Variants in TENM1 observed in about 807,000 individuals in gnomAD.
The protein encoded by TENM1 is teneurin transmembrane protein 1, also known as teneurin-1.
In TENM1, 35 loss-of-function variants were observed where a neutral mutation model predicts 174.8. The observed-to-expected ratio is 0.20, with a 90% CI of 0.15 to 0.27. The LOEUF (loss-of-function observed/expected upper bound fraction) is 0.27. Among genes scored for constraint, TENM1 ranks in the 10% least tolerant of loss-of-function variants. TENM1 has a pLI of 1.00. For missense variants in TENM1, 1,633 were observed against 2,130.1 expected (o/e 0.77, Z 4.59); for synonymous variants, 781 against 798.7 (o/e 0.98, Z 0.37).
At chrX:124,607,931 G>C (rs989931365) in intron 11 of TENM1, among the ~76,000 whole-genome samples, 2 of 111,380 alleles carry the variant, frequency 1.8e-5, no homozygotes, top group Admixed American at 9.6e-5. Context: ...TGATGGACTA[G>C]ATGTAGATAT....
intron 25 of TENM1, among the ~76,000 whole-genome samples, chrX:124,409,905 G>C (rs2060513169): frequency 1.8e-5 from 2 of 110,445 alleles, no homozygotes; most frequent in Non-Finnish European, 1.9e-5. Context: ...CCACGCTCAT[G>C]GGTAGGAAGA....
chrX:124,547,004 G>C, exon 15 of TENM1: 1 of 1,211,654 alleles, frequency 8.3e-7, no homozygotes, highest in East Asian at 3.0e-5. Flanking sequence ...ATGAGGTCAA[G>C]AGGATCTGGT....
At chrX:124,615,226 T>C (rs61531353) in intron 11 of TENM1, among the ~76,000 whole-genome samples, 1,510 of 112,219 alleles carry the variant, frequency 0.013, 17 homozygotes, top group African/African-American at 0.047. Context: ...ACATCACAGG[T>C]GTTCCTGTAT....
Position 124,862,128 on chromosome X carries a change from A to G in TENM1, c.535+32168T>C, listed in dbSNP as rs149534076. On this transcript the variant is annotated intron_variant, in intron 3 of 31. Coordinates refer to ENST00000422452, the Ensembl canonical transcript of TENM1. ...ACTGACTTCATCGAGCTGATTGACC[A>G]AGTCTTTCAGAAACCAAACTGGCTT... Among the ~76,000 whole-genome samples the G allele has an allele frequency of 4.1e-4, 46 of 112,313 alleles. 1 individual carries two copies. The East Asian group carries it at 0.012, about 30-fold the overall frequency.
At chrX:124,965,515 G>A (rs934844584), upstream of TENM1, among the ~76,000 whole-genome samples, 15 of 111,842 alleles carry the variant, frequency 1.3e-4, no homozygotes, top group African/African-American at 4.9e-4. Context: ...TTGAAGGCAG[G>A]ATGTGAGTCT....
chrX:124,513,792 T>C (rs1285620440), intron 18 of TENM1, among the ~76,000 whole-genome samples: 3 of 112,320 alleles, frequency 2.7e-5, no homozygotes, highest in Admixed American at 9.4e-5. Context: ...ATCTGAACTA[T>C]TTATCATCTA....
At chrX:124,386,720 T>C (rs2060223618) in intron 28 of TENM1, among the ~76,000 whole-genome samples, 1 of 110,017 alleles carries the variant, frequency 9.1e-6, no homozygotes. Context: ...TTCTATTTTA[T>C]TTCATTTTTT....
chrX:124,584,945 T>G (rs773361004), intron 11 of TENM1, among the ~76,000 whole-genome samples: 2 of 109,669 alleles, frequency 1.8e-5, no homozygotes, highest in South Asian at 8.0e-4. Context: ...AAGAAGGCCA[T>G]TACATAATGG....
At chrX:124,676,762 G>A (rs751417626) in intron 5 of TENM1, among the ~76,000 whole-genome samples, 4 of 106,790 alleles carry the variant, frequency 3.7e-5, no homozygotes, top group Non-Finnish European at 7.7e-5. Flanking sequence ...CTGTTAGAAT[G>A]TTGGACTATG....
At chrX:124,459,406 T>C (rs2061143886) in intron 22 of TENM1, among the ~76,000 whole-genome samples, 1 of 111,062 alleles carries the variant, frequency 9.0e-6, no homozygotes, top group Admixed American at 9.6e-5. Context: ...ATGTAATTTT[T>C]TAGATGAGGA....
the TENM1 span, among the ~76,000 whole-genome samples, chrX:125,168,982 G>GT: frequency 3.6e-5 from 4 of 110,132 alleles, no homozygotes; most frequent in Admixed American, 9.7e-5. Flanking sequence ...AGTATCTCCT[G>GT]TGTGTGTGTG....
chrX:124,696,919 C>T (rs1242241404), intron 5 of TENM1, among the ~76,000 whole-genome samples: 2 of 110,952 alleles, frequency 1.8e-5, no homozygotes, highest in African/African-American at 6.5e-5. Context: ...AATCACATTT[C>T]CATTCATTTT....
chrX:124,994,300 G>A, the TENM1 span, among the ~76,000 whole-genome samples: 317 of 100,819 alleles, frequency 3.1e-3, no homozygotes, highest in Middle Eastern at 0.011. Flanking sequence ...GCTATATCTG[G>A]ATAACTGAGG....
rs1055682015 is a variant in TENM1 at position 124,821,963 on chromosome X, A to G, written c.535+72333T>C. Among the ~76,000 whole-genome samples, 3 of 111,883 alleles carry G rather than the reference A, an allele frequency of 2.7e-5. No individual in the cohort carries two copies. The Admixed American group carries it at 2.8e-4, about 11-fold the overall frequency. On this transcript the variant is annotated intron_variant, in intron 3 of 31. Coordinates refer to ENST00000422452, the Ensembl canonical transcript of TENM1. ...GATGATAGTAACAAATTGTTCAAGA[A>G]TGATAATAATAATAGCTGGGGCAGA...
intron 11 of TENM1, among the ~76,000 whole-genome samples, chrX:124,589,684 C>T (rs112898027): frequency 0.048 from 5,280 of 110,996 alleles, 160 homozygotes; most frequent in African/African-American, 0.1. Flanking sequence ...TTCCTCTAGA[C>T]TTTCTAGTTT....
At chrX:125,070,240 G>A in the TENM1 span, among the ~76,000 whole-genome samples, 2 of 110,358 alleles carry the variant, frequency 1.8e-5, no homozygotes, top group African/African-American at 6.6e-5. Flanking sequence ...GTGTTAGATG[G>A]TATTTCACTG....
At chrX:125,188,795 A>G in the TENM1 span, among the ~76,000 whole-genome samples, 2 of 112,177 alleles carry the variant, frequency 1.8e-5, no homozygotes, top group Middle Eastern at 4.6e-3. Flanking sequence ...ATTAGTTGCA[A>G]TCTAACTGCC....
the TENM1 span, among the ~76,000 whole-genome samples, chrX:125,161,158 G>A: frequency 4.6e-5 from 5 of 109,758 alleles, no homozygotes; most frequent in Non-Finnish European, 7.6e-5. Flanking sequence ...ATATCCTCAG[G>A]GTTGGTTCCA....
intron 22 of TENM1, among the ~76,000 whole-genome samples, chrX:124,465,756 C>T (rs751781829): frequency 1.8e-5 from 2 of 109,781 alleles, no homozygotes; most frequent in African/African-American, 3.3e-5. Context: ...CTCCAGTCTG[C>T]GAATCCCCGT....
Sources: gnomAD v4.1 joint callset for allele counts (sites outside exome capture counted in the v4.1 genomes callset) on GRCh38, gnomAD v4.1.1 for gene constraint, MANE v1.5 for transcripts, NCBI Gene and HGNC (gene_info 2026-07-23, HGNC 2026-07-21) for gene names.